OCA2: variants seen among roughly 807,000 people sequenced by gnomAD.
OCA2 encodes OCA2 melanosomal transmembrane protein.
A neutral mutation model predicts 100.2 loss-of-function variants in OCA2; 77 were observed. The observed-to-expected ratio is 0.77, with a 90% CI of 0.64 to 0.93. The LOEUF is 0.93. Ranked by LOEUF, OCA2 falls within the 40% of genes least tolerant of loss-of-function variation. The probability of loss-of-function intolerance (pLI) is 0.00; values close to 1 mark genes in which losing one functional copy is unlikely to be tolerated. For missense variants in OCA2, 1,062 were observed against 1,089.1 expected, an observed-to-expected ratio of 0.98 and a Z score of 0.35; for synonymous variants, 432 against 439.2, an observed-to-expected ratio of 0.98 and a Z score of 0.21.
At chr15:28,081,957 T>A in intron 1 of OCA2, 62 bp from the exon 2 acceptor site, 1 of 1,350,286 alleles carries the variant, frequency 7.4e-7, no homozygotes. Context: ...CGTTTGCACC[T>A]TGGGAGTCCG....
intron 1 of OCA2, among the ~76,000 whole-genome samples, chr15:28,084,147 G>T (rs1360168795): frequency 6.6e-6 from 1 of 152,218 alleles, no homozygotes; most frequent in Non-Finnish European, 1.5e-5. Flanking sequence ...CACCATGTGT[G>T]GACACGGCGA....
intron 21 of OCA2, among the ~76,000 whole-genome samples, chr15:27,861,246 A>G (rs1326882538): frequency 6.6e-6 from 1 of 152,168 alleles, no homozygotes; most frequent in South Asian, 2.1e-4. Context: ...AGCAACTGAG[A>G]GAACGGAGTC....
At chr15:27,998,943 G>C (rs1253892239) in intron 9 of OCA2, among the ~76,000 whole-genome samples, 3 of 149,058 alleles carry the variant, frequency 2.0e-5, no homozygotes, top group Admixed American at 6.7e-5. Context: ...GTAAACTATC[G>C]CAAGGACAAA....
intron 9 of OCA2, among the ~76,000 whole-genome samples, chr15:27,995,813 CT>C (rs768060710): frequency 0.026 from 3,620 of 136,702 alleles, 94 homozygotes; most frequent in African/African-American, 0.074. Flanking sequence ...TTAAGCAACA[CT>C]TTTTTTTTTT....
At chr15:27,817,807 AC>A (rs2034360683) in intron 23 of OCA2, among the ~76,000 whole-genome samples, 1 of 152,016 alleles carries the variant, frequency 6.6e-6, no homozygotes, top group Admixed American at 6.5e-5. Flanking sequence ...TTGCATATAA[AC>A]TTTGGGGATC....
intron 23 of OCA2, among the ~76,000 whole-genome samples, chr15:27,761,409 G>A (rs996327972): frequency 6.6e-6 from 1 of 150,982 alleles, no homozygotes; most frequent in African/African-American, 2.4e-5. Context: ...AATCGTGTTT[G>A]TAACTTACAG....
At chr15:27,808,148 T>C (rs895398244) in intron 23 of OCA2, among the ~76,000 whole-genome samples, 1 of 152,226 alleles carries the variant, frequency 6.6e-6, no homozygotes, top group Non-Finnish European at 1.5e-5. Flanking sequence ...GCTTCAGGAA[T>C]AAGGGAACAG....
intron 23 of OCA2, among the ~76,000 whole-genome samples, chr15:27,814,378 A>C (rs941663438): frequency 1.3e-5 from 2 of 152,244 alleles, no homozygotes; most frequent in African/African-American, 2.4e-5. Flanking sequence ...AATGATGTCC[A>C]TTGACAAAAG....
chr15:27,991,902 A>T (rs2141027390), intron 9 of OCA2, among the ~76,000 whole-genome samples: 1 of 152,302 alleles, frequency 6.6e-6, no homozygotes, highest in Non-Finnish European at 1.5e-5. Flanking sequence ...TTCTGACTAA[A>T]ATTATATCAT....
rs141820650 is a variant in OCA2, at chr15:27,862,560, C to T, written c.2244+8594G>A. Among the ~76,000 whole-genome samples the T allele has an allele frequency of 3.3e-3, 496 of 151,878 alleles. 2 individuals carry two copies. The highest frequency in any genetic ancestry group is 0.011 in the African/African-American group (472 of 41,382). The stretch of plus-strand genomic sequence containing the variant: ...TGCGATCTCGGCTCACTGCAACCTC[C>T]GCCCCCTGGGTTCAAGCCATTCCCC... On this transcript the variant is annotated intron_variant, in intron 21 of 23. Coordinates refer to ENST00000354638, the MANE Select transcript of OCA2 (RefSeq NM_000275.3).
chr15:27,929,739 C>G (rs527842064), intron 18 of OCA2, among the ~76,000 whole-genome samples: 2 of 151,740 alleles, frequency 1.3e-5, no homozygotes, highest in East Asian at 3.9e-4. Flanking sequence ...AATCATCTAT[C>G]TGATAAAAGA....
intron 6 of OCA2, among the ~76,000 whole-genome samples, chr15:28,020,414 C>T (rs2042557182): frequency 1.3e-5 from 2 of 152,018 alleles, no homozygotes; most frequent in Non-Finnish European, 2.9e-5. Flanking sequence ...GCCTGAGTCC[C>T]ACTGAGGACG....
At chr15:27,740,791 G>A in the OCA2 span, among the ~76,000 whole-genome samples, 1 of 152,144 alleles carries the variant, frequency 6.6e-6, no homozygotes, top group Non-Finnish European at 1.5e-5. Flanking sequence ...TGGGTCGGCC[G>A]AGCCCAAGGT....
intron 18 of OCA2, among the ~76,000 whole-genome samples, chr15:27,946,971 A>C (rs1036044075): frequency 1.3e-5 from 2 of 152,230 alleles, no homozygotes; most frequent in African/African-American, 4.8e-5. Context: ...TGCCGCTCAG[A>C]GAGGCCAGGA....
chr15:27,760,515 T>C (rs906921209), intron 23 of OCA2, among the ~76,000 whole-genome samples: 1 of 151,300 alleles, frequency 6.6e-6, no homozygotes, highest in African/African-American at 2.4e-5. Context: ...GAAAAACCAA[T>C]GAAACAAAGC....
intron 2 of OCA2, among the ~76,000 whole-genome samples, chr15:28,069,771 G>A (rs1198592444): frequency 4.3e-5 from 6 of 139,600 alleles, no homozygotes; most frequent in African/African-American, 1.5e-4. Flanking sequence ...CCTCCCAGCC[G>A]CCTGCCTTGG....
chr15:27,798,861 TAC>T (rs753175588), intron 23 of OCA2, among the ~76,000 whole-genome samples: 19 of 152,188 alleles, frequency 1.2e-4, no homozygotes, highest in Non-Finnish European at 2.4e-4. Context: ...GGCTAGTAAG[TAC>T]AGAGACACAA....
chr15:27,886,605 A>C (rs1431978984), intron 19 of OCA2, among the ~76,000 whole-genome samples: 1 of 152,248 alleles, frequency 6.6e-6, no homozygotes, highest in Admixed American at 6.5e-5. Context: ...GGGAAGAGGA[A>C]GTATCAAGGA....
At chr15:27,953,372 C>T (rs953259195) in intron 17 of OCA2, among the ~76,000 whole-genome samples, 1 of 152,208 alleles carries the variant, frequency 6.6e-6, no homozygotes, top group Non-Finnish European at 1.5e-5. Context: ...TCCCTGCCCA[C>T]CGTGAAGGCT....
Sources: allele counts gnomAD v4.1 joint callset (sites outside exome capture counted in the v4.1 genomes callset), GRCh38; gene constraint gnomAD v4.1.1; transcripts MANE v1.5; gene names NCBI Gene and HGNC (gene_info 2026-07-23, HGNC 2026-07-21).